Variants in LUZP2 observed in about 807,000 individuals in gnomAD.
LUZP2 encodes leucine zipper protein 2.
Under a neutral mutation model 51.6 loss-of-function variants are expected in LUZP2, and 52 were observed. The ratio of observed to expected loss-of-function variants is 1.01; its 90% CI spans 0.81 to 1.27. The LOEUF is 1.27. LUZP2 is among the 50% of genes most tolerant of loss of function. LUZP2 has a pLI of 0.00. For synonymous variants in LUZP2, 154 were observed against 137.3 expected, an observed-to-expected ratio of 1.12 and a Z score of -0.85; for missense variants, 436 against 395.4, an observed-to-expected ratio of 1.10 and a Z score of -0.87.
At chr11:25,071,282 C>G (rs768846192) in intron 10 of LUZP2, among the ~76,000 whole-genome samples, 2 of 151,870 alleles carry the variant, frequency 1.3e-5, no homozygotes, top group Non-Finnish European at 2.9e-5. Flanking sequence ...CATGTTAAAT[C>G]ACACATGATG....
chr11:25,073,040 A>G (rs1212482894), intron 10 of LUZP2, among the ~76,000 whole-genome samples: 5 of 152,056 alleles, frequency 3.3e-5, no homozygotes, highest in Admixed American at 6.6e-5. Context: ...TTTTATACAC[A>G]CTTTAAAAAG....
In LUZP2 at chr11:25,049,987, C is replaced by A. The variant is rs766967493; in HGVS notation, c.766-51C>A. On this transcript the variant is annotated intron_variant, in intron 9 of 11. Coordinates refer to ENST00000336930, the MANE Select transcript of LUZP2 (RefSeq NM_001009909.4). ...TTGGATCTATTTGTTCAAACTATTT[C>A]TCTTGTATTTAGTGATTTCTTTCTT... The A allele has an allele frequency of 7.6e-6, 8 of 1,052,062 alleles. No individual in the cohort carries two copies. In the East Asian group the frequency reaches 7.7e-5, roughly 10 times the overall value. 65.2% of individuals were successfully genotyped at this position (1,052,062 alleles called of 1,614,324 possible). A position where few individuals can be genotyped will look rare whatever the true frequency, so the allele number is the denominator to read the frequency against.
At chr11:24,939,208 C>T (rs971744335) in intron 7 of LUZP2, among the ~76,000 whole-genome samples, 6 of 151,960 alleles carry the variant, frequency 3.9e-5, no homozygotes, top group African/African-American at 7.3e-5. Flanking sequence ...TAGAAGTGTA[C>T]GGACTTCTAA....
chr11:24,966,559 A>G (rs1040917827), intron 7 of LUZP2, among the ~76,000 whole-genome samples: 4 of 149,886 alleles, frequency 2.7e-5, no homozygotes, highest in African/African-American at 9.7e-5. Flanking sequence ...TTTGTTTGTG[A>G]ATAGTGTGAG....
chr11:24,951,726 G>A (rs1051103570), intron 7 of LUZP2, among the ~76,000 whole-genome samples: 1 of 151,462 alleles, frequency 6.6e-6, no homozygotes, highest in Non-Finnish European at 1.5e-5. Context: ...AATTTGGGAG[G>A]TAGTTTTTTG....
At chr11:24,522,437 T>C (rs1380755975) in intron 1 of LUZP2, among the ~76,000 whole-genome samples, 2 of 152,168 alleles carry the variant, frequency 1.3e-5, no homozygotes, top group African/African-American at 4.8e-5. Context: ...AATATCACTT[T>C]GGAGTCTAAG....
chr11:24,599,784 T>A (rs1316243824), intron 1 of LUZP2, among the ~76,000 whole-genome samples: 3 of 152,204 alleles, frequency 2.0e-5, no homozygotes, highest in Non-Finnish European at 2.9e-5. Context: ...ATATTCTTAC[T>A]ATTTTGGTGA....
chr11:24,741,968 A>G (rs71476399), intron 4 of LUZP2, among the ~76,000 whole-genome samples: 3,562 of 33,878 alleles, frequency 0.11, 317 homozygotes, highest in African/African-American at 0.25. Context: ...ATATATAAAT[A>G]TATACATTTA....
intron 4 of LUZP2, among the ~76,000 whole-genome samples, chr11:24,756,824 G>A (rs949783626): frequency 6.6e-6 from 1 of 152,156 alleles, no homozygotes; most frequent in Non-Finnish European, 1.5e-5. Context: ...CAGTCACTAA[G>A]ATTGCTTCCC....
chr11:24,741,031 C>T (rs2631427), intron 4 of LUZP2, among the ~76,000 whole-genome samples: 5 of 151,748 alleles, frequency 3.3e-5, no homozygotes, highest in African/African-American at 9.7e-5. Context: ...GAATTATCAG[C>T]GATGACAGAA....
chr11:24,540,224 T>C (rs1851314797), intron 1 of LUZP2, among the ~76,000 whole-genome samples: 1 of 152,098 alleles, frequency 6.6e-6, no homozygotes, highest in Admixed American at 6.6e-5. Context: ...ACTCTTCAAA[T>C]ACGTTAGAAG....
intron 7 of LUZP2, among the ~76,000 whole-genome samples, chr11:24,970,317 C>T (rs190706710): frequency 5.2e-4 from 79 of 152,192 alleles, no homozygotes; most frequent in African/African-American, 1.9e-3. Context: ...ATATTTTTTC[C>T]ATAAACCTGA....
chr11:24,601,951 A>ATGTATATATATGTATAT (rs1565019800), intron 1 of LUZP2, among the ~76,000 whole-genome samples: 1 of 93,182 alleles, frequency 1.1e-5, no homozygotes, highest in African/African-American at 4.6e-5. Flanking sequence ...TATATGTATA[A>ATGTATATATATGTATAT]ATGTATATAT....
chr11:24,753,333 C>A (rs746975431), intron 4 of LUZP2, among the ~76,000 whole-genome samples: 1 of 152,020 alleles, frequency 6.6e-6, no homozygotes, highest in Non-Finnish European at 1.5e-5. Context: ...GACATGCCAC[C>A]CTTCAGTAAT....
chr11:24,949,334 CTCTA>C (rs1164713690), intron 7 of LUZP2, among the ~76,000 whole-genome samples: 57 of 33,560 alleles, frequency 1.7e-3, no homozygotes, highest in African/African-American at 3.4e-3. Context: ...CTATCTATCT[CTCTA>C]TCTATCTATG....
chr11:24,897,468 G>T (rs190563193), intron 5 of LUZP2, among the ~76,000 whole-genome samples: 1 of 152,168 alleles, frequency 6.6e-6, no homozygotes, highest in Admixed American at 6.5e-5. Flanking sequence ...TGAACCCACC[G>T]GGAGGAATGA....
intron 1 of LUZP2, among the ~76,000 whole-genome samples, chr11:24,585,380 T>C (rs908761120): frequency 6.6e-6 from 1 of 152,214 alleles, no homozygotes; most frequent in African/African-American, 2.4e-5. Flanking sequence ...GACTTGCTTG[T>C]AAATCAGTAG....
intron 9 of LUZP2, among the ~76,000 whole-genome samples, chr11:25,014,247 T>C (rs1420192524): frequency 6.6e-6 from 1 of 152,204 alleles, no homozygotes; most frequent in African/African-American, 2.4e-5. Flanking sequence ...TGTTTTATAA[T>C]CCTTTGGGTA....
intron 5 of LUZP2, among the ~76,000 whole-genome samples, chr11:24,898,480 T>G (rs1853158068): frequency 6.6e-6 from 1 of 152,048 alleles, no homozygotes. Context: ...AAAAATTAGC[T>G]GGGCGTGGTG....
Sources: gnomAD v4.1 joint callset for allele counts (sites outside exome capture counted in the v4.1 genomes callset) on GRCh38, gnomAD v4.1.1 for gene constraint, MANE v1.5 for transcripts, NCBI Gene and HGNC (gene_info 2026-07-23, HGNC 2026-07-21) for gene names.